Variants in MYOM1 observed in about 807,000 individuals in gnomAD.
MYOM1 encodes myomesin 1, also known as myomesin-1.
MYOM1 carries 164 observed loss-of-function variants against 205.3 expected under a neutral mutation model. The observed-to-expected ratio is 0.80, with a 90% CI of 0.70 to 0.91. The LOEUF (loss-of-function observed/expected upper bound fraction) is 0.91, where lower values mean the gene tolerates loss of function less well. MYOM1 is among the 40% of genes least tolerant of loss of function. The probability of loss-of-function intolerance (pLI) is 0.00; values close to 1 mark genes in which losing one functional copy is unlikely to be tolerated. For synonymous variants in MYOM1, 772 were observed against 789.4 expected, an observed-to-expected ratio of 0.98 and a Z score of 0.37; for missense variants, 2,011 against 2,127.3, an observed-to-expected ratio of 0.95 and a Z score of 1.08.
chr18:3,135,542 C>T lies in MYOM1; in HGVS notation c.2209+5G>A. ...TTGAAGTAAAAGAAGTTTACAGTTG[C>T]TTACCAAGTTTGTCCCCTACCACAG... On this transcript the variant is annotated splice_donor_5th_base_variant and intron_variant, in intron 15 of 37. Coordinates refer to ENST00000356443, the MANE Select transcript of MYOM1 (RefSeq NM_003803.4). This position sits in a 1 kb window ranked among gnomAD's most constrained non-coding sequence, Gnocchi z 4.1. 4 of 1,611,160 alleles carry T rather than the reference C, an allele frequency of 2.5e-6. No individual in the cohort carries two copies. The highest frequency in any genetic ancestry group is 3.4e-6 in the Non-Finnish European group (4 of 1,178,136).
Position 3,179,815 on chromosome 18 carries a change from T to C in MYOM1, c.930-3681A>G, listed in dbSNP as rs896411027. On this transcript the variant is annotated intron_variant, in intron 5 of 37. Coordinates refer to ENST00000356443, the MANE Select transcript of MYOM1 (RefSeq NM_003803.4). This position sits in a 1 kb window ranked among gnomAD's most constrained non-coding sequence, Gnocchi z 4.4. ...ATAATTGGTTTAGGTAATTTCACAC[T>C]GGACTCAAGCTCACTCTGGCTCTGC... Among the ~76,000 whole-genome samples, 1 of 152,222 alleles carries C rather than the reference T, an allele frequency of 6.6e-6. No homozygotes were observed. Among genetic ancestry groups the C allele is most frequent in the Non-Finnish European group, 1.5e-5 (1 of 68,034 alleles).
At chr18:3,137,106 A>G (rs563438731) in intron 14 of MYOM1, among the ~76,000 whole-genome samples, 1 of 151,846 alleles carries the variant, frequency 6.6e-6, no homozygotes, top group Non-Finnish European at 1.5e-5. Flanking sequence ...GCCCCCCACC[A>G]CACCTGGCTA....
chr18:3,086,257 GGAGT>G, intron 29 of MYOM1, 106 bp from the exon 30 acceptor site: 1 of 538,990 alleles, frequency 1.9e-6, no homozygotes, highest in Non-Finnish European at 3.1e-6. Context: ...CACTGAACGT[GGAGT>G]GAGAAGACAC....
At chr18:3,199,815 G>T (rs1016941044) in intron 2 of MYOM1, among the ~76,000 whole-genome samples, 2 of 151,958 alleles carry the variant, frequency 1.3e-5, no homozygotes, top group African/African-American at 4.8e-5. Context: ...ACTCCAGCCT[G>T]GGTGACAGAG....
At chr18:3,140,280 G>T (rs1361788699) in intron 14 of MYOM1, among the ~76,000 whole-genome samples, 1 of 151,936 alleles carries the variant, frequency 6.6e-6, no homozygotes, top group Admixed American at 6.6e-5. Context: ...GGTGGCTCAC[G>T]CCTGTAATCC....
At chr18:3,077,948 C>G (rs942055640) in intron 34 of MYOM1, among the ~76,000 whole-genome samples, 2 of 151,940 alleles carry the variant, frequency 1.3e-5, no homozygotes, top group Non-Finnish European at 2.9e-5. Context: ...GATTCAGCAC[C>G]AAAAACACTC....
upstream of MYOM1, among the ~76,000 whole-genome samples, chr18:3,222,107 A>T (rs2081335084): frequency 2.6e-5 from 4 of 152,254 alleles, no homozygotes; most frequent in Admixed American, 2.6e-4. Flanking sequence ...ACAGCTGGCT[A>T]ACCACTCCAT....
chr18:3,117,053 T>C (rs8091278), intron 20 of MYOM1, among the ~76,000 whole-genome samples: 132,404 of 152,060 alleles, frequency 0.87, 58,208 homozygotes, highest in East Asian at 0.97. Context: ...GATAGGGTCT[T>C]GCTGTGTTGA....
chr18:3,182,835 C>T (rs374382160), intron 5 of MYOM1, among the ~76,000 whole-genome samples: 233 of 151,320 alleles, frequency 1.5e-3, no homozygotes, highest in Non-Finnish European at 2.9e-3. Context: ...CCTTCTATGT[C>T]GACAGAGTCC....
At chr18:3,178,933 T>C (rs1158075266) in intron 5 of MYOM1, among the ~76,000 whole-genome samples, 1 of 151,992 alleles carries the variant, frequency 6.6e-6, no homozygotes. Flanking sequence ...AATGGTGTGA[T>C]TATAGCTCCC....
At chr18:3,151,453 A>T (rs1014673728) in intron 12 of MYOM1, among the ~76,000 whole-genome samples, 5 of 143,482 alleles carry the variant, frequency 3.5e-5, no homozygotes, top group Non-Finnish European at 7.6e-5. Context: ...TAAAATATAA[A>T]ATAATAAAAT....
Position 3,071,893 on chromosome 18 carries a change from C to T in MYOM1, c.4709-4G>A. 3.7e-6 allele frequency: 6 copies of T among 1,602,500 alleles called. No homozygotes were observed. The highest frequency in any genetic ancestry group is 2.3e-5 in the East Asian group (1 of 44,356). On this transcript the variant is annotated splice_polypyrimidine_tract_variant and splice_region_variant and intron_variant, in intron 36 of 37. Coordinates refer to ENST00000356443, the MANE Select transcript of MYOM1 (RefSeq NM_003803.4). ...CCTCCCAACACCCGGGCACGATCTG[C>T]AAGCATAGGCATTTTGGGTTAATCA...
intron 22 of MYOM1, among the ~76,000 whole-genome samples, chr18:3,106,033 A>C (rs1248632528): frequency 6.6e-6 from 1 of 152,240 alleles, no homozygotes; most frequent in African/African-American, 2.4e-5. Flanking sequence ...AAGTAACAAC[A>C]CATCAATAAA....
At chr18:3,208,148 G>C (rs1422506549) in intron 2 of MYOM1, among the ~76,000 whole-genome samples, 1 of 152,192 alleles carries the variant, frequency 6.6e-6, no homozygotes, top group Non-Finnish European at 1.5e-5. Context: ...GAGGAAGTTG[G>C]AGCAGGAGGC....
At chr18:3,141,917 C>G in intron 14 of MYOM1, 22 bp downstream of exon 14, 1 of 1,613,060 alleles carries the variant, frequency 6.2e-7, no homozygotes, top group South Asian at 1.1e-5. Context: ...AGTATGAGGT[C>G]ATGTTGATTC....
chr18:3,237,634 C>T, the MYOM1 span, among the ~76,000 whole-genome samples: 6 of 147,112 alleles, frequency 4.1e-5, no homozygotes, highest in Non-Finnish European at 7.5e-5. Flanking sequence ...GAAATACATT[C>T]TGACATGTTA....
rs573977292 is a variant in MYOM1, at chr18:3,201,535, T to G, written c.291-7577A>C. ...GTGTGTACATACACACATACACACA[T>G]GTACATGCACATATATGTATATAAG... On this transcript the variant is annotated intron_variant, in intron 2 of 37. Coordinates refer to ENST00000356443, the MANE Select transcript of MYOM1 (RefSeq NM_003803.4). Among the ~76,000 whole-genome samples the G allele has an allele frequency of 1.9e-3, 291 of 152,138 alleles. 1 individual carries two copies. The highest frequency in any genetic ancestry group is 6.7e-3 in the African/African-American group (277 of 41,502).
At chr18:3,102,259 C>A (rs35205553) in intron 23 of MYOM1, among the ~76,000 whole-genome samples, 4 of 151,660 alleles carry the variant, frequency 2.6e-5, no homozygotes, top group African/African-American at 9.7e-5. Context: ...CTGCCTTGGC[C>A]TCCCAAAGTG....
intron 22 of MYOM1, among the ~76,000 whole-genome samples, chr18:3,107,141 G>A (rs545632643): frequency 1.1e-4 from 17 of 151,146 alleles, no homozygotes; most frequent in African/African-American, 2.7e-4. Flanking sequence ...TTTTTGAGAC[G>A]GAGTCTCACT....
Sources: allele counts gnomAD v4.1 joint callset (sites outside exome capture counted in the v4.1 genomes callset), GRCh38; gene constraint gnomAD v4.1.1; non-coding constraint Gnocchi (gnomAD v3.1); transcripts MANE v1.5; gene names NCBI Gene and HGNC (gene_info 2026-07-23, HGNC 2026-07-21).